DNM3: variants seen among roughly 807,000 people sequenced by gnomAD.
DNM3 encodes the protein dynamin 3, also known as dynamin-3.
DNM3 carries 47 observed loss-of-function variants against 101.6 expected under a neutral mutation model. That is an observed-to-expected ratio of 0.46 (90% CI 0.37 to 0.59). The LOEUF (loss-of-function observed/expected upper bound fraction) is 0.59. DNM3 is among the 20% of genes least tolerant of loss of function. The pLI is 0.00. For missense variants in DNM3, 849 were observed against 1,085.7 expected (o/e 0.78, Z 3.06); for synonymous variants, 385 against 387.9 (o/e 0.99, Z 0.09).
intron 14 of DNM3, among the ~76,000 whole-genome samples, chr1:172,177,038 G>A (rs1026397425): frequency 8.4e-4 from 128 of 152,016 alleles, no homozygotes; most frequent in African/African-American, 2.8e-3. Flanking sequence ...CTTGGTGACT[G>A]AAGGTGCTTA....
intron 2 of DNM3, among the ~76,000 whole-genome samples, chr1:171,936,693 T>C (rs1205462380): frequency 6.6e-6 from 1 of 152,224 alleles, no homozygotes; most frequent in South Asian, 2.1e-4. Flanking sequence ...TATTACATAA[T>C]GTAAAGGGTG....
rs2071004088 is a variant in DNM3 at position 172,407,817 on chromosome 1, A to G, written c.2568A>G (p.Pro856=). The change falls in exon 21 of 21, where the codon CCA becomes CCG. Residue 856 remains proline (P), a synonymous_variant. Coordinates refer to ENST00000627582, the MANE Select transcript of DNM3 (RefSeq NM_015569.5). ...CAACTCGTCCCACTATAATCCGCCCACTAGAATCCTCCCTGTTAGACTAAA... is the reference window on the plus strand; with the variant it reads ...CAACTCGTCCCACTATAATCCGCCCGCTAGAATCCTCCCTGTTAGACTAAA... ...PSPTRPTIIR[P]LESSLLD The G allele has an allele frequency of 3.1e-6, 5 of 1,613,136 alleles. No individual in the cohort carries two copies. The highest frequency in any genetic ancestry group is 1.7e-6 in the Non-Finnish European group (2 of 1,179,356).
intron 14 of DNM3, among the ~76,000 whole-genome samples, chr1:172,219,288 G>T (rs888259899): frequency 6.8e-6 from 1 of 147,082 alleles, no homozygotes; most frequent in African/African-American, 2.5e-5. Flanking sequence ...CTTGAACCCC[G>T]AAGGTCAAGG....
chr1:172,249,093 A>G (rs776229467), intron 14 of DNM3, among the ~76,000 whole-genome samples: 2 of 152,196 alleles, frequency 1.3e-5, no homozygotes, highest in Admixed American at 6.5e-5. Context: ...AGTCCTTTGC[A>G]TATGCAGGTC....
At chr1:171,875,204 C>T (rs1021737828) in intron 1 of DNM3, among the ~76,000 whole-genome samples, 1 of 152,050 alleles carries the variant, frequency 6.6e-6, no homozygotes, top group African/African-American at 2.4e-5. Flanking sequence ...ATTGCTGGGC[C>T]GAATGGTAGT....
intron 13 of DNM3, among the ~76,000 whole-genome samples, chr1:172,098,490 A>T (rs1010077335): frequency 1.2e-4 from 19 of 152,282 alleles, no homozygotes; most frequent in African/African-American, 4.6e-4. Context: ...CATGCTCTAC[A>T]AACAATTTGT....
intron 13 of DNM3, among the ~76,000 whole-genome samples, chr1:172,096,616 G>A (rs2054264525): frequency 6.6e-6 from 1 of 152,178 alleles, no homozygotes; most frequent in African/African-American, 2.4e-5. Flanking sequence ...CACAGAGAAA[G>A]GAGCATAGTG....
At chr1:172,188,027 A>G (rs1230367885) in intron 14 of DNM3, among the ~76,000 whole-genome samples, 1 of 152,116 alleles carries the variant, frequency 6.6e-6, no homozygotes, top group East Asian at 1.9e-4. Flanking sequence ...ATATATGTCT[A>G]CTAAGAACAA....
At chr1:172,289,730 TA>T (rs1180209807) in intron 15 of DNM3, 1 of 984,724 alleles carries the variant, frequency 1.0e-6, no homozygotes, top group East Asian at 1.1e-4. Flanking sequence ...TTGCATGTTC[TA>T]AGTTTCAATA....
intron 14 of DNM3, among the ~76,000 whole-genome samples, chr1:172,182,740 G>C (rs1299717148): frequency 1.3e-5 from 2 of 151,998 alleles, no homozygotes; most frequent in Non-Finnish European, 2.9e-5. Context: ...TCCTAAGATT[G>C]TGTTTCTGTT....
At chr1:171,886,957 A>G (rs1042474062) in intron 1 of DNM3, among the ~76,000 whole-genome samples, 1 of 152,184 alleles carries the variant, frequency 6.6e-6, no homozygotes, top group African/African-American at 2.4e-5. Context: ...CCCTTTGGTT[A>G]TAGTAAAATT....
chr1:172,392,353 T>C (rs185854674), intron 20 of DNM3, among the ~76,000 whole-genome samples: 2 of 152,332 alleles, frequency 1.3e-5, no homozygotes, highest in East Asian at 3.9e-4. Flanking sequence ...ATATCTGGAT[T>C]GTCACCTCCC....
Position 172,388,814 on chromosome 1 carries a change from G to T in DNM3, c.2522+5G>T, listed in dbSNP as rs1314598757. 1 of 1,565,684 alleles carries T rather than the reference G, an allele frequency of 6.4e-7. No homozygotes were observed. On this transcript the variant is annotated splice_donor_5th_base_variant and intron_variant, in intron 20 of 20. Coordinates refer to ENST00000627582, the MANE Select transcript of DNM3 (RefSeq NM_015569.5). ...GGCCCCGCCCAGTGTCCCAAGGTAA[G>T]GCATGGAGCAGAAATTGGGGGGGTA...
chr1:172,413,795 AT>A (rs1028742933), downstream of DNM3, among the ~76,000 whole-genome samples: 36 of 152,184 alleles, frequency 2.4e-4, no homozygotes, highest in African/African-American at 8.2e-4. Flanking sequence ...TGTTGTGTGA[AT>A]TTACTCTTTC....
chr1:172,230,111 T>C (rs1216277508), intron 14 of DNM3, among the ~76,000 whole-genome samples: 1 of 152,192 alleles, frequency 6.6e-6, no homozygotes, highest in East Asian at 1.9e-4. Flanking sequence ...CATGTTGTCA[T>C]GGTTTTTTGT....
intron 13 of DNM3, among the ~76,000 whole-genome samples, chr1:172,124,622 G>T (rs2056520196): frequency 6.6e-6 from 1 of 152,184 alleles, no homozygotes; most frequent in Non-Finnish European, 1.5e-5. Flanking sequence ...AAGAGTGAGT[G>T]GGGTGGGAGA....
intron 10 of DNM3, among the ~76,000 whole-genome samples, chr1:172,066,784 G>GT (rs2051704790): frequency 6.6e-6 from 1 of 152,218 alleles, no homozygotes; most frequent in Middle Eastern, 3.4e-3. Context: ...ATTACATCAC[G>GT]TAAGTGGATC....
At chr1:172,009,622 TA>T (rs950426369) in intron 4 of DNM3, among the ~76,000 whole-genome samples, 2 of 151,868 alleles carry the variant, frequency 1.3e-5, no homozygotes, top group African/African-American at 4.8e-5. Context: ...ACATTTCCAT[TA>T]TTGCAGTAAG....
chr1:171,845,850 GTTAGAA>G, intron 1 of DNM3, among the ~76,000 whole-genome samples: 1 of 152,252 alleles, frequency 6.6e-6, no homozygotes, highest in Admixed American at 6.5e-5. Flanking sequence ...TGACACGCTT[GTTAGAA>G]ATATTAGTTT....
Sources: allele counts gnomAD v4.1 joint callset (sites outside exome capture counted in the v4.1 genomes callset), GRCh38; gene constraint gnomAD v4.1.1; transcripts MANE v1.5; gene names NCBI Gene and HGNC (gene_info 2026-07-23, HGNC 2026-07-21).